The following THSD4 variants were observed in gnomAD, a reference collection of about 807,000 sequenced individuals.
THSD4 encodes thrombospondin type-1 domain-containing protein 4.
A neutral mutation model predicts 119.0 loss-of-function variants in THSD4; 69 were observed. The observed-to-expected ratio is 0.58, with a 90% CI of 0.48 to 0.71. The LOEUF is 0.71. Ranked by LOEUF, THSD4 falls within the 30% of genes least tolerant of loss-of-function variation. THSD4 has a pLI of 0.00. For synonymous variants in THSD4, 524 were observed against 540.4 expected, an observed-to-expected ratio of 0.97 and a Z score of 0.42; for missense variants, 1,393 against 1,391.1, an observed-to-expected ratio of 1.00 and a Z score of -0.02.
intron 6 of THSD4, among the ~76,000 whole-genome samples, chr15:71,377,999 T>G (rs1357059360): frequency 6.6e-6 from 1 of 152,052 alleles, no homozygotes; most frequent in African/African-American, 2.4e-5. Context: ...CTTATAGGCT[T>G]AGTTGTTCAA....
chr15:71,744,996 C>T lies in THSD4; in HGVS notation c.1907-110C>T, dbSNP rs2053306744. Reference sequence around the variant, plus strand: ...TGCATGCATGTGTGAATTGTCCTCACTGTTTCTGTGCCCTCTCTTCATCAG... The same window carrying T: ...TGCATGCATGTGTGAATTGTCCTCATTGTTTCTGTGCCCTCTCTTCATCAG... On this transcript the variant is annotated intron_variant, in intron 11 of 17. Coordinates refer to ENST00000261862, the MANE Select transcript of THSD4 (RefSeq NM_024817.3). The T allele has an allele frequency of 5.0e-6, 7 of 1,412,128 alleles. No individual in the cohort carries two copies. In the Admixed American group the frequency reaches 1.0e-4, roughly 21 times the overall value. 87.5% of individuals were successfully genotyped at this position (1,412,128 alleles called of 1,614,324 possible).
intron 6 of THSD4, among the ~76,000 whole-genome samples, chr15:71,261,505 T>C (rs535402581): frequency 6.6e-6 from 1 of 152,172 alleles, no homozygotes; most frequent in Non-Finnish European, 1.5e-5. Context: ...AGGAAACTAA[T>C]ATACCTAGTG....
At chr15:71,240,551 G>A (rs144073095) in intron 4 of THSD4, among the ~76,000 whole-genome samples, 4 of 152,078 alleles carry the variant, frequency 2.6e-5, no homozygotes, top group Non-Finnish European at 5.9e-5. Flanking sequence ...AAGATCCCAG[G>A]TGATGCCTGT....
At chr15:71,478,130 G>T (rs181995954) in intron 7 of THSD4, among the ~76,000 whole-genome samples, 3 of 152,102 alleles carry the variant, frequency 2.0e-5, no homozygotes, top group South Asian at 2.1e-4. Context: ...CCCTGGGGTC[G>T]GCTGCGTAGG....
chr15:71,503,366 A>G (rs557849873), intron 7 of THSD4, among the ~76,000 whole-genome samples: 5 of 152,232 alleles, frequency 3.3e-5, no homozygotes, highest in African/African-American at 1.2e-4. Context: ...CACAGCAAGG[A>G]TGAAAGGGTT....
intron 7 of THSD4, among the ~76,000 whole-genome samples, chr15:71,658,680 T>C (rs566450132): frequency 6.6e-6 from 1 of 152,322 alleles, no homozygotes; most frequent in South Asian, 2.1e-4. Flanking sequence ...TTCCTTATTT[T>C]TTCTGCTAAA....
intron 6 of THSD4, among the ~76,000 whole-genome samples, chr15:71,366,818 G>A (rs1322328235): frequency 6.6e-6 from 1 of 152,114 alleles, no homozygotes; most frequent in Non-Finnish European, 1.5e-5. Context: ...TTCCAGGTGG[G>A]AATTAGACCC....
chr15:71,596,017 A>C (rs1424604598), intron 7 of THSD4, among the ~76,000 whole-genome samples: 5 of 152,174 alleles, frequency 3.3e-5, no homozygotes, highest in Non-Finnish European at 1.5e-5. Flanking sequence ...ATCCTACCTC[A>C]CTGTTGCTTC....
chr15:71,680,291 C>T (rs1479281034), intron 8 of THSD4, among the ~76,000 whole-genome samples: 1 of 152,162 alleles, frequency 6.6e-6, no homozygotes. Flanking sequence ...AGCCTTCTCC[C>T]ATACAAAGGT....
intron 15 of THSD4, among the ~76,000 whole-genome samples, chr15:71,761,824 G>T (rs1020220811): frequency 6.6e-6 from 1 of 152,094 alleles, no homozygotes; most frequent in Non-Finnish European, 1.5e-5. Flanking sequence ...ACTTCATTTT[G>T]CACTTTGACA....
At chr15:71,609,675 AC>A (rs1481202334) in intron 7 of THSD4, among the ~76,000 whole-genome samples, 1 of 151,916 alleles carries the variant, frequency 6.6e-6, no homozygotes, top group Non-Finnish European at 1.5e-5. Flanking sequence ...ACATGGTGAA[AC>A]CCCGTCTCTA....
intron 6 of THSD4, among the ~76,000 whole-genome samples, chr15:71,390,102 TAATA>T (rs1285321431): frequency 6.6e-6 from 1 of 152,060 alleles, no homozygotes; most frequent in Non-Finnish European, 1.5e-5. Context: ...GAGGGTGAAA[TAATA>T]AATCAGAATG....
intron 6 of THSD4, among the ~76,000 whole-genome samples, chr15:71,386,336 T>C (rs2046292682): frequency 6.6e-6 from 1 of 152,164 alleles, no homozygotes; most frequent in African/African-American, 2.4e-5. Flanking sequence ...GTAAGCAATT[T>C]CCAGATTCAG....
At chr15:71,425,928 C>T (rs1186706539) in intron 7 of THSD4, among the ~76,000 whole-genome samples, 1 of 152,284 alleles carries the variant, frequency 6.6e-6, no homozygotes, top group African/African-American at 2.4e-5. Flanking sequence ...CCCTCCCAAG[C>T]CCCTGTCAGC....
intron 7 of THSD4, among the ~76,000 whole-genome samples, chr15:71,657,305 G>T (rs2051210282): frequency 6.6e-6 from 1 of 151,976 alleles, no homozygotes; most frequent in South Asian, 2.1e-4. Flanking sequence ...TGTCATGGCA[G>T]GTCCTTCATG....
At chr15:71,370,508 T>C (rs923864623) in intron 6 of THSD4, among the ~76,000 whole-genome samples, 3 of 152,120 alleles carry the variant, frequency 2.0e-5, no homozygotes, top group Non-Finnish European at 4.4e-5. Context: ...TTTCAAAGAA[T>C]ATCTTTATTT....
chr15:71,257,320 G>A (rs2044330060), intron 6 of THSD4, among the ~76,000 whole-genome samples: 1 of 152,056 alleles, frequency 6.6e-6, no homozygotes, highest in Admixed American at 6.5e-5. Flanking sequence ...CATGGCTTGC[G>A]GACTGAGAAG....
intron 7 of THSD4, among the ~76,000 whole-genome samples, chr15:71,648,893 C>A (rs1041886764): frequency 6.6e-6 from 1 of 152,172 alleles, no homozygotes. Flanking sequence ...TCATTTAAGC[C>A]TCACAAGAGA....
At chr15:71,244,851 G>C (rs904141318) in intron 5 of THSD4, among the ~76,000 whole-genome samples, 1 of 152,186 alleles carries the variant, frequency 6.6e-6, no homozygotes, top group Non-Finnish European at 1.5e-5. Flanking sequence ...CTCCCATTGA[G>C]TAGTGTATCT....
Sources: allele counts gnomAD v4.1 joint callset (sites outside exome capture counted in the v4.1 genomes callset), GRCh38; gene constraint gnomAD v4.1.1; transcripts MANE v1.5; gene names NCBI Gene and HGNC (gene_info 2026-07-23, HGNC 2026-07-21).